MBD4: variants seen among roughly 807,000 people sequenced by gnomAD.
The protein encoded by MBD4 is methyl-CpG-binding domain protein 4.
MBD4 carries 53 observed loss-of-function variants against 60.2 expected under a neutral mutation model. That is an observed-to-expected ratio of 0.88 (90% confidence interval 0.71 to 1.11). MBD4 has a LOEUF of 1.11. MBD4 is among the 50% of genes least tolerant of loss of function. The pLI is 0.00. For synonymous variants in MBD4, 231 were observed against 229.8 expected (o/e 1.01, Z -0.05); for missense variants, 619 against 674.0 (o/e 0.92, Z 0.90).
Position 129,434,928 on chromosome 3 carries a change from A to G in MBD4, c.1184-792T>C, listed in dbSNP as rs145380965. ...TTATCAGACTTCTCAAATTTCTAAA[A>G]TCACATGTAATACTCCTTAACCATA... On this transcript the variant is annotated intron_variant, in intron 3 of 7. Transcript: ENST00000429544. Among the ~76,000 whole-genome samples the G allele has an allele frequency of 9.2e-5, 14 of 152,288 alleles. No homozygotes were observed. In the East Asian group the frequency reaches 2.5e-3, roughly 27 times the overall value.
intron 2 of MBD4, 33 bp from the exon 3 acceptor site, chr3:129,437,341 A>T: frequency 6.5e-7 from 1 of 1,548,324 alleles, no homozygotes. Flanking sequence ...ACTTACTGCT[A>T]GTAAATAGAA....
Position 129,436,657 on chromosome 3 carries a change from A to T in MBD4, c.987T>A (p.Thr329=), listed in dbSNP as rs764203191. ...SGSNFCSEQK[T]SGIINKFCSA... ...AACAAAATTTGTTTATGATGCCAGA[A>T]GTTTTTTGTTCAGAACAAAAATTTG... The change falls in exon 3 of 8, where the codon ACT becomes ACA. Residue 329 remains threonine (T), a synonymous_variant. Transcript: ENST00000429544. 6.2e-7 allele frequency: 1 copy of T among 1,614,054 alleles called. No homozygotes were observed. The highest frequency in any genetic ancestry group is 2.2e-5 in the East Asian group (1 of 44,878).
At position 129,432,606 on chromosome 3, in the gene MBD4, T is replaced by C; in HGVS notation, c.1544A>G (p.Asp515Gly). 6.2e-7 allele frequency: 1 copy of C among 1,614,078 alleles called. No individual in the cohort carries two copies. The highest frequency in any genetic ancestry group is 1.6e-4 in the Middle Eastern group (1 of 6,062). The stretch of plus-strand genomic sequence containing the variant: ...CTTCCACTGCTTTGTCAGGTATTCA[T>C]CTGAAGAATACAACATCCCACATTA... ...LRAKTIVKFS[D>G]EYLTKQWKYP... Residue 515 changes from aspartate to glycine, a missense_variant and splice_region_variant, in exon 7 of 8, where the codon GAT becomes GGT. Transcript: ENST00000429544.
intron 3 of MBD4, among the ~76,000 whole-genome samples, chr3:129,436,189 G>A (rs1449764709): frequency 6.6e-6 from 1 of 152,156 alleles, no homozygotes; most frequent in Non-Finnish European, 1.5e-5. Context: ...AGGGAGAGAC[G>A]ATGGCAGCTG....
At position 129,433,441 on chromosome 3, in the gene MBD4, T is replaced by A. The variant is rs539818730; in HGVS notation, c.1394-194A>T. 121 of 650,900 alleles carry A rather than the reference T, an allele frequency of 1.9e-4. 1 individual carries two copies. In the South Asian group the frequency reaches 2.2e-3, roughly 12 times the overall value. 40.3% of individuals were successfully genotyped at this position (650,900 alleles called of 1,614,324 possible). A position where few individuals can be genotyped will look rare whatever the true frequency, so the allele number is the denominator to read the frequency against. On this transcript the variant is annotated intron_variant, in intron 5 of 7. Transcript: ENST00000429544. ...ATCAAATGCCAAAACTGCTAATATA[T>A]TGGGCTAATAGTCCAAATTATGCTG...
chr3:129,433,872 AG>A lies in MBD4; in HGVS notation c.1370del (p.Thr457IlefsTer28). On this transcript the variant is annotated frameshift_variant, in exon 5 of 8. Transcript: ENST00000429544. LOFTEE classifies it high-confidence loss of function. ...AACCTGAGGTCCGATTGAGAAATAT[AG>A]TAGCGATGAGAAGCTTCCATGGATC... ...FHDPWKLLIA[T>X]IFLNRTSGKM... 2.5e-6 allele frequency: 4 copies of A among 1,614,198 alleles called. No homozygotes were observed. Among genetic ancestry groups the A allele is most frequent in the Non-Finnish European group, 3.4e-6 (4 of 1,180,004 alleles).
chr3:129,439,168 A>C lies in MBD4; in HGVS notation c.104+562T>G, dbSNP rs369465881. Among the ~76,000 whole-genome samples, 6 of 152,308 alleles carry C rather than the reference A, an allele frequency of 3.9e-5. No individual in the cohort carries two copies. In the South Asian group the frequency reaches 1.2e-3, roughly 32 times the overall value. On this transcript the variant is annotated intron_variant, in intron 1 of 7. Transcript: ENST00000429544. ...AAGGTTTTCTGATGTAATTTGGGGT[A>C]AAATAATTTTGAGGAGCTGGATGGA...
chr3:129,434,258 C>G (rs2072415710), intron 3 of MBD4, 122 bp from the exon 4 acceptor site: 2 of 769,188 alleles, frequency 2.6e-6, no homozygotes, highest in Non-Finnish European at 4.5e-6. Context: ...AAGCCCTTTA[C>G]ATAAATACCC....
Position 129,437,030 on chromosome 3 carries a change from G to C in MBD4, c.614C>G (p.Ser205Cys), listed in dbSNP as rs570195981. 1.2e-6 allele frequency: 2 copies of C among 1,614,156 alleles called. No homozygotes were observed. Among genetic ancestry groups the C allele is most frequent in the African/African-American group, 1.3e-5 (1 of 75,046 alleles). The part of the protein sequence containing the change: ...SSELQESRGL[S>C]NFTSTHLLLK... ...AAGCAAATGAGTGGAAGTAAAGTTA[G>C]AGAGTCCTCTGCTCTCCTGCAACTC... Residue 205 changes from serine (S) to cysteine (C), a missense_variant, in exon 3 of 8, where the codon TCT becomes TGT. Ser to Cys is a moderately radical substitution (Grantham distance 112). Coordinates refer to ENST00000429544, the MANE Select transcript of MBD4 (RefSeq NM_001276270.2).
Position 129,433,336 on chromosome 3 carries a change from G to C in MBD4, c.1394-89C>G, listed in dbSNP as rs771482324. ...GTTTCTCATAGAAATCTCATCCAGA[G>C]GGTTTTTTTTTTTAAAGAAAACAAA... On this transcript the variant is annotated intron_variant, in intron 5 of 7. Coordinates refer to ENST00000429544, the MANE Select transcript of MBD4 (RefSeq NM_001276270.2). 967 of 1,442,184 alleles carry C rather than the reference G, an allele frequency of 6.7e-4. 1 individual carries two copies. Among genetic ancestry groups the C allele is most frequent in the Admixed American group, 7.9e-4 (42 of 53,274 alleles). The allele number at this position is 1,442,184 out of a possible 1,614,324, so 89.3% of individuals were successfully genotyped here.
At chr3:129,438,760 A>AC (rs1346261181) in intron 1 of MBD4, among the ~76,000 whole-genome samples, 1 of 150,402 alleles carries the variant, frequency 6.6e-6, no homozygotes, top group African/African-American at 2.5e-5. Flanking sequence ...TGAAAAAAAA[A>AC]ACCCAAAAAA....
At chr3:129,436,299 A>C (rs2107754722) in intron 3 of MBD4, 162 bp downstream of exon 3, 1 of 784,098 alleles carries the variant, frequency 1.3e-6, no homozygotes, top group Middle Eastern at 3.3e-4. Context: ...AAGATAAAGT[A>C]TTAGGATCAA....
intron 3 of MBD4, 97 bp from the exon 4 acceptor site, chr3:129,434,233 G>A: frequency 1.1e-6 from 1 of 949,114 alleles, no homozygotes; most frequent in Non-Finnish European, 1.7e-6. Flanking sequence ...TACAAAGCAT[G>A]CCAGGCACTA....
chr3:129,432,527 A>C lies in MBD4; in HGVS notation c.1623T>G (p.Ile541Met). The C allele has an allele frequency of 1.2e-6, 2 of 1,614,228 alleles. No individual in the cohort carries two copies. The highest frequency in any genetic ancestry group is 1.7e-6 in the Non-Finnish European group (2 of 1,180,046). ...IGKYGNDSYR[I>M]FCVNEWKQVH... ...CCTGCTTCCACTCATTGACACAAAA[A>C]ATTCGGTAAGAGTCGTTGCCATATT... The change falls in exon 7 of 8, where the codon ATT (isoleucine) becomes ATG (methionine). Residue 541 changes from isoleucine to methionine, a missense_variant. Physicochemically the swap from Ile to Met is conservative, Grantham distance 10. Coordinates refer to ENST00000429544, the MANE Select transcript of MBD4 (RefSeq NM_001276270.2).
chr3:129,439,759 G>A lies in MBD4; in HGVS notation c.75C>T (p.Arg25=), dbSNP rs1559807271. 1 of 1,602,830 alleles carries A rather than the reference G, an allele frequency of 6.2e-7. No individual in the cohort carries two copies. Among genetic ancestry groups the A allele is most frequent in the South Asian group, 1.1e-5 (1 of 88,908 alleles). ...GGTCATTCGGCGGGTCTGGGACTAG[G>A]CGCTCACTAGAGGTGACGGTGGGGG... ...GAAPTVTSSE[R]LVPDPPNDLR... Residue 25 remains arginine (R), a synonymous_variant, in exon 1 of 8, where the codon CGC becomes CGT. Transcript: ENST00000429544.
chr3:129,433,060 A>G (rs762069523), intron 6 of MBD4, 38 bp downstream of exon 6: 5 of 1,611,240 alleles, frequency 3.1e-6, no homozygotes, highest in South Asian at 1.1e-5. Context: ...AATAAGCACA[A>G]TGTATTATGT....
intron 2 of MBD4, 50 bp downstream of exon 2, chr3:129,437,670 C>T: frequency 1.5e-6 from 2 of 1,318,592 alleles, no homozygotes; most frequent in South Asian, 1.2e-5. Context: ...CCACTACCTG[C>T]CCAGACAAAA....
intron 1 of MBD4, 57 bp downstream of exon 1, chr3:129,439,673 T>C (rs1193230501): frequency 1.8e-6 from 2 of 1,092,846 alleles, no homozygotes; most frequent in Non-Finnish European, 2.8e-6. Flanking sequence ...CTGTCCACTC[T>C]CCCGATACCA....
At chr3:129,432,122 C>T in intron 7 of MBD4, 1 of 1,205,894 alleles carries the variant, frequency 8.3e-7, no homozygotes, top group Non-Finnish European at 1.1e-6. Flanking sequence ...TAGTCTGAGA[C>T]CACTAAGAGA....
Sources: gnomAD v4.1 joint callset for allele counts (sites outside exome capture counted in the v4.1 genomes callset) on GRCh38, gnomAD v4.1.1 for gene constraint, MANE v1.5 for transcripts, NCBI Gene and HGNC (gene_info 2026-07-23, HGNC 2026-07-21) for gene names.